The following TMEM108 variants were observed in gnomAD, a reference collection of about 807,000 sequenced individuals.
TMEM108 encodes cancer/testis antigen 124.
In TMEM108, 12 loss-of-function variants were observed where a neutral mutation model predicts 35.1. The observed-to-expected ratio is 0.34, with a 90% CI of 0.22 to 0.55. TMEM108 has a LOEUF of 0.55. Among genes scored for constraint, TMEM108 ranks in the 20% least tolerant of loss-of-function variants. The pLI, the probability that TMEM108 is intolerant of heterozygous loss-of-function variation, is 0.89. For missense variants in TMEM108, 680 were observed against 753.3 expected (o/e 0.90, Z 1.14); for synonymous variants, 287 against 308.6 (o/e 0.93, Z 0.73).
At chr3:133,120,030 C>T (rs2107733116) in intron 2 of TMEM108, among the ~76,000 whole-genome samples, 1 of 152,280 alleles carries the variant, frequency 6.6e-6, no homozygotes, top group Non-Finnish European at 1.5e-5. Context: ...TTAGTTATTT[C>T]CACTATGACT....
chr3:133,326,949 G>T (rs1376215824), intron 3 of TMEM108, among the ~76,000 whole-genome samples: 1 of 152,218 alleles, frequency 6.6e-6, no homozygotes, highest in Non-Finnish European at 1.5e-5. Context: ...GTGCTCTCTT[G>T]ATACTTGCAG....
At chr3:133,203,334 AC>A (rs1559867080) in intron 2 of TMEM108, among the ~76,000 whole-genome samples, 1 of 152,142 alleles carries the variant, frequency 6.6e-6, no homozygotes, top group Non-Finnish European at 1.5e-5. Flanking sequence ...ACTATGTTGA[AC>A]AGGAGTGGTG....
chr3:133,389,438 C>A (rs1394859891), intron 4 of TMEM108: 1 of 975,848 alleles, frequency 1.0e-6, no homozygotes, highest in African/African-American at 1.8e-5. Flanking sequence ...AATCCCAGCA[C>A]TTTAGGAGGC....
At chr3:133,387,637 C>T in intron 4 of TMEM108, 2 of 772,770 alleles carry the variant, frequency 2.6e-6, no homozygotes, top group Non-Finnish European at 3.1e-6. Flanking sequence ...CCATGCCCCA[C>T]CTTCTAGAAT....
chr3:133,158,151 CTG>C (rs1944907594), intron 2 of TMEM108, among the ~76,000 whole-genome samples: 1 of 152,062 alleles, frequency 6.6e-6, no homozygotes, highest in South Asian at 2.1e-4. Flanking sequence ...ATATTTATCT[CTG>C]TGGTGTCTCA....
intron 2 of TMEM108, among the ~76,000 whole-genome samples, chr3:133,182,730 C>A (rs1945365125): frequency 6.6e-6 from 1 of 152,184 alleles, no homozygotes; most frequent in Admixed American, 6.5e-5. Context: ...TTCGATGAAG[C>A]CTTCTGGAAT....
chr3:133,119,287 C>T (rs1315598344), intron 2 of TMEM108: 4 of 152,012 alleles, frequency 2.6e-5, no homozygotes, highest in Admixed American at 6.5e-5. Flanking sequence ...ACCCACTCTC[C>T]GGTTCCATTC....
chr3:133,238,941 A>G (rs1167921497), intron 3 of TMEM108, among the ~76,000 whole-genome samples: 1 of 152,122 alleles, frequency 6.6e-6, no homozygotes, highest in African/African-American at 2.4e-5. Flanking sequence ...ACCATTCTTT[A>G]TGGGGTCTTC....
intron 2 of TMEM108, among the ~76,000 whole-genome samples, chr3:133,199,802 T>A (rs1236585167): frequency 6.6e-5 from 10 of 152,214 alleles, no homozygotes; most frequent in Admixed American, 4.6e-4. Flanking sequence ...GCTGTCAGAC[T>A]GGGACGTTTA....
chr3:133,107,462 GT>G (rs2107721187), intron 2 of TMEM108, among the ~76,000 whole-genome samples: 1 of 109,636 alleles, frequency 9.1e-6, no homozygotes, highest in East Asian at 2.8e-4. Flanking sequence ...TGTGGTGTGT[GT>G]GTGTGTGTGT....
intron 2 of TMEM108, among the ~76,000 whole-genome samples, chr3:133,078,078 A>T (rs1434906378): frequency 1.3e-5 from 2 of 151,758 alleles, no homozygotes; most frequent in Non-Finnish European, 2.9e-5. Context: ...AGGGATGGCA[A>T]AATGGGGCAA....
At chr3:133,254,221 G>A (rs1367292346) in intron 3 of TMEM108, among the ~76,000 whole-genome samples, 6 of 152,118 alleles carry the variant, frequency 3.9e-5, no homozygotes, top group Admixed American at 2.6e-4. Flanking sequence ...TTGAATGAAT[G>A]TACCTAGGAA....
At chr3:133,316,076 C>G (rs758738553) in intron 3 of TMEM108, among the ~76,000 whole-genome samples, 2 of 152,208 alleles carry the variant, frequency 1.3e-5, no homozygotes, top group Non-Finnish European at 1.5e-5. Context: ...AACATTTCTT[C>G]TGGTAATCAG....
intron 2 of TMEM108, among the ~76,000 whole-genome samples, chr3:133,122,263 T>G (rs1262536816): frequency 6.6e-6 from 1 of 152,200 alleles, no homozygotes; most frequent in Non-Finnish European, 1.5e-5. Context: ...ATTTTTAATC[T>G]TGATTTATGT....
At chr3:133,279,415 C>A (rs1244162919) in intron 3 of TMEM108, among the ~76,000 whole-genome samples, 1 of 152,198 alleles carries the variant, frequency 6.6e-6, no homozygotes, top group African/African-American at 2.4e-5. Flanking sequence ...ATTAGGACAG[C>A]CTGTCCGGTC....
rs556275794 is a variant in TMEM108 at position 133,390,448 on chromosome 3, G to A, written c.1605+114G>A. ...TCCTTAACGTATGGCCCATGGACCA[G>A]CAGTATCAATAACACCCAAGAGGTT... On this transcript the variant is annotated intron_variant, in intron 5 of 5. Transcript: ENST00000321871. 35 of 1,202,010 alleles carry A rather than the reference G, an allele frequency of 2.9e-5. No individual in the cohort carries two copies. In the African/African-American group the frequency reaches 5.1e-4, roughly 18 times the overall value. 74.5% of individuals were successfully genotyped at this position (1,202,010 alleles called of 1,614,324 possible).
At chr3:133,164,367 T>C (rs547729406) in intron 2 of TMEM108, among the ~76,000 whole-genome samples, 12 of 152,290 alleles carry the variant, frequency 7.9e-5, no homozygotes, top group Admixed American at 4.6e-4. Flanking sequence ...CTAGCCTGTC[T>C]CCTGAGCCTG....
At chr3:133,214,432 A>G (rs568154118) in intron 2 of TMEM108, among the ~76,000 whole-genome samples, 1 of 152,156 alleles carries the variant, frequency 6.6e-6, no homozygotes, top group African/African-American at 2.4e-5. Flanking sequence ...GTTATATTCT[A>G]TATCTCAACC....
intron 3 of TMEM108, among the ~76,000 whole-genome samples, chr3:133,264,120 A>C (rs1946662690): frequency 6.6e-6 from 1 of 152,178 alleles, no homozygotes; most frequent in Admixed American, 6.5e-5. Flanking sequence ...AGTCTGAGAA[A>C]CGTAGTAAGA....
Sources: gnomAD v4.1 joint callset for allele counts (sites outside exome capture counted in the v4.1 genomes callset) on GRCh38, gnomAD v4.1.1 for gene constraint, MANE v1.5 for transcripts, NCBI Gene and HGNC (gene_info 2026-07-23, HGNC 2026-07-21) for gene names.